The following ITGA2B variants were observed in gnomAD, a reference collection of about 807,000 sequenced individuals.
ITGA2B encodes integrin alpha-IIb.
ITGA2B carries 91 observed loss-of-function variants against 142.0 expected under a neutral mutation model. That is an observed-to-expected ratio of 0.64 (90% CI 0.54 to 0.76). ITGA2B has a LOEUF of 0.76. Among genes scored for constraint, ITGA2B ranks in the 30% least tolerant of loss-of-function variants. The probability of loss-of-function intolerance (pLI) is 0.00; values close to 1 mark genes in which losing one functional copy is unlikely to be tolerated. For missense variants in ITGA2B, 1,231 were observed against 1,350.8 expected (o/e 0.91, Z 1.39); for synonymous variants, 536 against 567.2 (o/e 0.94, Z 0.78).
intron 27 of ITGA2B, 22 bp downstream of exon 27, chr17:44,374,976 G>GCCCCCCCC: frequency 3.6e-6 from 2 of 549,342 alleles, no homozygotes; most frequent in Non-Finnish European, 5.5e-6. Context: ...GCCCGGCCCC[G>GCCCCCCCC]CCCCACCACG....
chr17:44,375,814 T>A lies in ITGA2B; in HGVS notation c.2601+19A>T. On this transcript the variant is annotated intron_variant, in intron 25 of 29. Transcript: ENST00000262407. ...GTCTGGGGCCGCCTTCCCAGGTCTT[T>A]CTTCCACCCAGCTCTTACCTTGAGA... 2 of 1,565,546 alleles carry A rather than the reference T, an allele frequency of 1.3e-6. No homozygotes were observed. Among genetic ancestry groups the A allele is most frequent in the South Asian group, 2.3e-5 (2 of 85,522 alleles).
At chr17:44,383,383 A>T in intron 12 of ITGA2B, 110 bp downstream of exon 12, 3 of 1,003,226 alleles carry the variant, frequency 3.0e-6, no homozygotes, top group Non-Finnish European at 4.5e-6. Context: ...TAAGCCACAT[A>T]CTTATATGCT....
At chr17:44,383,163 C>G (rs1466291780) in intron 12 of ITGA2B, among the ~76,000 whole-genome samples, 3 of 152,104 alleles carry the variant, frequency 2.0e-5, no homozygotes, top group African/African-American at 7.2e-5. Flanking sequence ...CACAGGCACC[C>G]AACTCCAACC....
At chr17:44,384,677 C>T (rs950229783) in intron 7 of ITGA2B, 92 bp from the exon 8 acceptor site, 79 of 1,460,672 alleles carry the variant, frequency 5.4e-5, no homozygotes, top group Non-Finnish European at 6.8e-5. Flanking sequence ...CCACTCAGCC[C>T]CAGCCCTGCA....
intron 12 of ITGA2B, among the ~76,000 whole-genome samples, chr17:44,383,288 A>G (rs528035568): frequency 1.3e-5 from 2 of 152,208 alleles, no homozygotes; most frequent in South Asian, 2.1e-4. Context: ...CCAGGTGGTC[A>G]TTGTCTCTTG....
chr17:44,386,224 GC>G (rs2048648655), intron 1 of ITGA2B, 93 bp from the exon 2 acceptor site: 6 of 1,522,396 alleles, frequency 3.9e-6, no homozygotes, highest in Middle Eastern at 4.3e-4. Context: ...AGGCCATGTG[GC>G]ATGGGGGCAC....
chr17:44,380,102 C>T lies in ITGA2B; in HGVS notation c.1652G>A (p.Arg551Gln), dbSNP rs769405222. 12 of 1,613,882 alleles carry T rather than the reference C, an allele frequency of 7.4e-6. No homozygotes were observed. The highest frequency in any genetic ancestry group is 3.3e-5 in the South Asian group (3 of 91,076). Residue 551 changes from arginine (R) to glutamine (Q), a missense_variant, in exon 17 of 30, where the codon CGG becomes CAG. Around this residue, in one of 3 missense-constraint regions of ITGA2B, gnomAD observed 908 missense variants for 1,021.1 expected, o/e 0.89. Transcript: ENST00000262407. ...CTGTTGAGAGCCCAGCAGCAGCACC[C>T]GCCGGCCCTGGCGGGGCTTCTGCCG... ...LDRQKPRQGR[R>Q]VLLLGSQQAG...
chr17:44,388,818 C>CTTT (rs758076614), intron 1 of ITGA2B, among the ~76,000 whole-genome samples: 12,218 of 132,014 alleles, frequency 0.093, 1,107 homozygotes, highest in African/African-American at 0.14. Flanking sequence ...TGCCTGGTCT[C>CTTT]TTTTTTTTTT....
chr17:44,389,215 G>A lies in ITGA2B; in HGVS notation c.188+71C>T, dbSNP rs1325164703. The A allele has an allele frequency of 5.4e-5, 84 of 1,545,074 alleles. 1 individual carries two copies. The highest frequency in any genetic ancestry group is 1.5e-4 in the South Asian group (13 of 89,376). ...AACTGCTATCGCAAATGGGAAACTC[G>A]AAGCCCCCAGAAGCAGTGATGGGGA... On this transcript the variant is annotated intron_variant, in intron 1 of 29. Transcript: ENST00000262407.
At chr17:44,381,173 C>G in intron 12 of ITGA2B, 112 bp from the exon 13 acceptor site, 2 of 1,078,984 alleles carry the variant, frequency 1.9e-6, no homozygotes, top group Non-Finnish European at 2.6e-6. Context: ...GAAAGGGGTG[C>G]AAAGTGTGGG....
chr17:44,385,385 C>T (rs1286194964), intron 4 of ITGA2B, 50 bp from the exon 5 acceptor site: 3 of 1,584,396 alleles, frequency 1.9e-6, no homozygotes, highest in South Asian at 2.2e-5. Flanking sequence ...GGGAGGCGCG[C>T]GCGAGCCCGG....
In ITGA2B at chr17:44,372,532, C is replaced by T. The variant is rs547649576; in HGVS notation, c.3061-109G>A. 1.4e-4 allele frequency: 124 copies of T among 881,128 alleles called. 2 individuals are homozygous for T. In the African/African-American group the frequency reaches 1.9e-3, roughly 13 times the overall value. 54.6% of individuals were successfully genotyped at this position (881,128 alleles called of 1,614,324 possible). A position where few individuals can be genotyped will look rare whatever the true frequency, so the allele number is the denominator to read the frequency against. ...AGCACCTCCCTGGACCAGCGCAGAA[C>T]ATGAAGCCCACTGTACTCACAAATG... On this transcript the variant is annotated intron_variant, in intron 29 of 29. Coordinates refer to ENST00000262407, the MANE Select transcript of ITGA2B (RefSeq NM_000419.5).
Position 44,372,258 on chromosome 17 carries a change from A to G in ITGA2B, c.*106T>C, listed in dbSNP as rs1598374404. On this transcript the variant is annotated 3_prime_UTR_variant, in exon 30 of 30. Coordinates refer to ENST00000262407, the MANE Select transcript of ITGA2B (RefSeq NM_000419.5). Reference sequence around the variant, plus strand: ...TTGGGAGGGAAACGACACCAAGAGGACCCAATGGAACAGCTCCAACCCAAA... The same window carrying G: ...TTGGGAGGGAAACGACACCAAGAGGGCCCAATGGAACAGCTCCAACCCAAA... The G allele has an allele frequency of 9.0e-7, 1 of 1,113,242 alleles. No homozygotes were observed. Among genetic ancestry groups the G allele is most frequent in the Non-Finnish European group, 1.4e-6 (1 of 733,100 alleles). The allele number at this position is 1,113,242 out of a possible 1,614,324, so 69.0% of individuals were successfully genotyped here.
At chr17:44,379,646 C>T (rs2143456809) in intron 18 of ITGA2B, 43 bp downstream of exon 18, 1 of 1,613,604 alleles carries the variant, frequency 6.2e-7, no homozygotes, top group African/African-American at 1.3e-5. Context: ...GATTTGCTAT[C>T]AGGGGTCCTG....
chr17:44,385,068 C>T lies in ITGA2B; in HGVS notation c.679G>A (p.Ala227Thr), dbSNP rs765051638. The part of the protein sequence containing the change: ...PGGYYFLGLL[A>T]QAPVADIFSS... ...AAAATATCCGCAACTGGAGCCTGGGCCAGGAGACCTAGGGCGGGAGGGACA... is the reference window on the plus strand; with the variant it reads ...AAAATATCCGCAACTGGAGCCTGGGTCAGGAGACCTAGGGCGGGAGGGACA... Residue 227 changes from alanine (A) to threonine (T), a missense_variant, in exon 7 of 30, where the codon GCC (alanine) becomes ACC (threonine). By Grantham distance (58) the Ala-to-Thr change is moderately conservative. Transcript: ENST00000262407. The T allele has an allele frequency of 1.9e-6, 3 of 1,614,134 alleles. No individual in the cohort carries two copies. The highest frequency in any genetic ancestry group is 1.7e-5 in the Admixed American group (1 of 60,018).
chr17:44,380,126 C>T lies in ITGA2B; in HGVS notation c.1628G>A (p.Arg543Gln), dbSNP rs139770734. ...CCGCCGGCCCTGGCGGGGCTTCTGC[C>T]GGTCCAGCTGCAGCTCGGCATTTAG... is the stretch of plus-strand genomic sequence containing the variant. Reference protein sequence around the residue: ...LSLNAELQLDRQKPRQGRRVL... With the variant: ...LSLNAELQLDQQKPRQGRRVL... The change falls in exon 17 of 30, where the codon CGG becomes CAG. Residue 543 changes from arginine (R) to glutamine (Q), a missense_variant. Coordinates refer to ENST00000262407, the MANE Select transcript of ITGA2B (RefSeq NM_000419.5). 1.3e-4 allele frequency: 216 copies of T among 1,613,838 alleles called. No homozygotes were observed. The highest frequency in any genetic ancestry group is 1.6e-4 in the Non-Finnish European group (189 of 1,179,970).
intron 18 of ITGA2B, among the ~76,000 whole-genome samples, 172 bp downstream of exon 18, chr17:44,379,517 G>T (rs2048575086): frequency 6.6e-6 from 1 of 152,146 alleles, no homozygotes; most frequent in Non-Finnish European, 1.5e-5. Flanking sequence ...GTCTCCCAAA[G>T]TGCTGGGATT....
At chr17:44,380,571 C>T in intron 14 of ITGA2B, 29 bp downstream of exon 14, 1 of 1,614,224 alleles carries the variant, frequency 6.2e-7, no homozygotes, top group Non-Finnish European at 8.5e-7. Flanking sequence ...CAGGACCTTC[C>T]CCATCCCGCC....
rs2048581218 is a variant in ITGA2B at position 44,380,113 on chromosome 17, G to T, written c.1641C>A (p.Arg547=). The stretch of plus-strand genomic sequence containing the variant: ...CCAGCAGCAGCACCCGCCGGCCCTG[G>T]CGGGGCTTCTGCCGGTCCAGCTGCA... ...AELQLDRQKP[R]QGRRVLLLGS... is the part of the protein sequence containing the mutation. Residue 547 remains arginine, a synonymous_variant, in exon 17 of 30, where the codon CGC becomes CGA. Coordinates refer to ENST00000262407, the MANE Select transcript of ITGA2B (RefSeq NM_000419.5). The T allele has an allele frequency of 1.2e-6, 2 of 1,613,956 alleles. No individual in the cohort carries two copies. Among genetic ancestry groups the T allele is most frequent in the African/African-American group, 2.7e-5 (2 of 75,020 alleles).
Sources: allele counts gnomAD v4.1 joint callset (sites outside exome capture counted in the v4.1 genomes callset), GRCh38; gene constraint gnomAD v4.1.1; regional missense constraint gnomAD v4.1.1; transcripts MANE v1.5; gene names NCBI Gene and HGNC (gene_info 2026-07-23, HGNC 2026-07-21).